Variants in SLC24A4 observed in about 807,000 individuals in gnomAD.
SLC24A4 encodes solute carrier family 24 member 4, also known as sodium/potassium/calcium exchanger 4.
SLC24A4 carries 53 observed loss-of-function variants against 79.0 expected under a neutral mutation model. The observed-to-expected ratio is 0.67, with a 90% CI of 0.54 to 0.84. SLC24A4 has a LOEUF of 0.84. SLC24A4 is among the 40% of genes least tolerant of loss of function. SLC24A4 has a pLI of 0.00. For synonymous variants in SLC24A4, 323 were observed against 323.8 expected, an observed-to-expected ratio of 1.00 and a Z score of 0.03; for missense variants, 731 against 822.0, an observed-to-expected ratio of 0.89 and a Z score of 1.35.
chr14:92,328,008 C>T (rs968556503), intron 2 of SLC24A4, among the ~76,000 whole-genome samples: 4 of 152,186 alleles, frequency 2.6e-5, no homozygotes, highest in African/African-American at 9.7e-5. Context: ...ATCCTTATCA[C>T]GTTTTTGCCA....
At chr14:92,376,448 G>C (rs902296176) in intron 2 of SLC24A4, among the ~76,000 whole-genome samples, 3 of 152,256 alleles carry the variant, frequency 2.0e-5, no homozygotes, top group Non-Finnish European at 4.4e-5. Flanking sequence ...CCCAGGCCAC[G>C]TCGGGGCAGC....
intron 10 of SLC24A4, chr14:92,452,318 G>A (rs1191517416): frequency 6.6e-6 from 1 of 152,526 alleles, no homozygotes; most frequent in African/African-American, 2.4e-5. Context: ...CTTCCTCTGG[G>A]ATGGAGGCTT....
At chr14:92,434,445 G>A (rs777550805) in intron 3 of SLC24A4, among the ~76,000 whole-genome samples, 6 of 152,154 alleles carry the variant, frequency 3.9e-5, no homozygotes, top group Non-Finnish European at 8.8e-5. Context: ...ATTTTTCAGT[G>A]TTATGATGTT....
intron 2 of SLC24A4, among the ~76,000 whole-genome samples, chr14:92,363,817 A>C (rs1377915629): frequency 6.6e-6 from 1 of 151,500 alleles, no homozygotes; most frequent in Non-Finnish European, 1.5e-5. Flanking sequence ...TGACAGAGTG[A>C]GACTCCGTCT....
intron 2 of SLC24A4, among the ~76,000 whole-genome samples, chr14:92,381,874 C>G (rs1392341062): frequency 6.6e-6 from 1 of 152,114 alleles, no homozygotes; most frequent in Non-Finnish European, 1.5e-5. Context: ...TTAAAGCTCC[C>G]CATGTGATTG....
chr14:92,466,898 C>G (rs1401491404), intron 12 of SLC24A4, among the ~76,000 whole-genome samples: 1 of 152,222 alleles, frequency 6.6e-6, no homozygotes, highest in African/African-American at 2.4e-5. Flanking sequence ...AGTTTATTTA[C>G]CTGTGAAACA....
At chr14:92,382,772 A>G (rs1236110865) in intron 2 of SLC24A4, among the ~76,000 whole-genome samples, 1 of 152,210 alleles carries the variant, frequency 6.6e-6, no homozygotes, top group African/African-American at 2.4e-5. Flanking sequence ...ATTCTTGGAG[A>G]AAATTGCCAG....
intron 2 of SLC24A4, among the ~76,000 whole-genome samples, chr14:92,342,944 G>A (rs1180382295): frequency 6.6e-6 from 1 of 152,220 alleles, no homozygotes; most frequent in African/African-American, 2.4e-5. Context: ...ATCTGGGTGA[G>A]TCAGTTCAGG....
At chr14:92,356,046 A>G (rs1171302414) in intron 2 of SLC24A4, among the ~76,000 whole-genome samples, 1 of 152,176 alleles carries the variant, frequency 6.6e-6, no homozygotes, top group Non-Finnish European at 1.5e-5. Context: ...CCCATCAACT[A>G]TTCTGTTTTT....
intron 12 of SLC24A4, among the ~76,000 whole-genome samples, chr14:92,463,416 C>T (rs1449691566): frequency 2.0e-5 from 3 of 152,180 alleles, no homozygotes; most frequent in Non-Finnish European, 2.9e-5. Context: ...CAGTTCCATA[C>T]ACAGTTCTCG....
rs769282619 is a variant in SLC24A4 at position 92,323,854 on chromosome 14, G to C, written c.24G>C (p.Arg8=). 2 of 1,592,492 alleles carry C rather than the reference G, an allele frequency of 1.3e-6. No homozygotes were observed. The highest frequency in any genetic ancestry group is 8.5e-7 in the Non-Finnish European group (1 of 1,175,976). ...GGATGGCGCTCCGCGGGACCCTCCG[G>C]CCGCTCAAAGTTCGCAGGAGGCGAG... MALRGTL[R]PLKVRRRREM... The change falls in exon 1 of 17, where the codon CGG becomes CGC. Residue 8 remains arginine (R), a synonymous_variant. Transcript: ENST00000532405. This position sits in a 1 kb window ranked among gnomAD's most constrained non-coding sequence, Gnocchi z 4.9.
rs1304072456 is a variant in SLC24A4, at chr14:92,404,471, T to C, written c.242-29441T>C. 2.0e-5 allele frequency among the ~76,000 whole-genome samples: 3 copies of C among 151,444 alleles called. No individual in the cohort carries two copies. The East Asian group carries it at 6.0e-4, about 30-fold the overall frequency. ...TCCCTGAGCCCCCAGTCCCCATCCATCACAGTGCTCCAGCACACTGGCAGG... is the reference window on the plus strand; with the variant it reads ...TCCCTGAGCCCCCAGTCCCCATCCACCACAGTGCTCCAGCACACTGGCAGG... On this transcript the variant is annotated intron_variant, in intron 2 of 16. Transcript: ENST00000532405.
intron 2 of SLC24A4, among the ~76,000 whole-genome samples, chr14:92,343,225 T>A (rs1483693667): frequency 6.6e-6 from 1 of 152,236 alleles, no homozygotes; most frequent in Admixed American, 6.5e-5. Context: ...GTTTGCTTGA[T>A]AGGGTTTTGC....
intron 2 of SLC24A4, among the ~76,000 whole-genome samples, chr14:92,423,943 A>T (rs1891429307): frequency 2.6e-5 from 4 of 152,208 alleles, no homozygotes; most frequent in Admixed American, 2.6e-4. Context: ...CAAAAGTCTG[A>T]TATCAAGGTA....
chr14:92,420,470 T>C (rs2141818013), intron 2 of SLC24A4, among the ~76,000 whole-genome samples: 1 of 152,028 alleles, frequency 6.6e-6, no homozygotes, highest in African/African-American at 2.4e-5. Flanking sequence ...AGAGCGAGAC[T>C]CTGTCTCAAA....
intron 2 of SLC24A4, among the ~76,000 whole-genome samples, chr14:92,384,341 G>A (rs1189650569): frequency 6.6e-6 from 1 of 152,086 alleles, no homozygotes; most frequent in Non-Finnish European, 1.5e-5. Flanking sequence ...GCGCATTACA[G>A]CATAAATCAT....
chr14:92,374,548 C>T (rs1213231907), intron 2 of SLC24A4, among the ~76,000 whole-genome samples: 1 of 152,206 alleles, frequency 6.6e-6, no homozygotes, highest in Non-Finnish European at 1.5e-5. Context: ...GGCTGAGCAC[C>T]TCCTCCACGA....
At chr14:92,383,152 C>T (rs531703136) in intron 2 of SLC24A4, among the ~76,000 whole-genome samples, 1 of 152,322 alleles carries the variant, frequency 6.6e-6, no homozygotes, top group African/African-American at 2.4e-5. Flanking sequence ...ATGCGTTCTT[C>T]TCACAGTCAC....
At position 92,323,589 on chromosome 14, in the gene SLC24A4, A is replaced by G; in HGVS notation, c.-242A>G. 2.8e-6 allele frequency: 1 copy of G among 358,964 alleles called. No homozygotes were observed. The highest frequency in any genetic ancestry group is 8.5e-5 in the South Asian group (1 of 11,830). 22.2% of individuals were successfully genotyped at this position (358,964 alleles called of 1,614,324 possible). A position where few individuals can be genotyped will look rare whatever the true frequency, so the allele number is the denominator to read the frequency against. On this transcript the variant is annotated 5_prime_UTR_variant, in exon 1 of 17. It removes an upstream start codon present in the reference 5' UTR. Transcript: ENST00000532405. This position sits in a 1 kb window ranked among gnomAD's most constrained non-coding sequence, Gnocchi z 4.9. The stretch of plus-strand genomic sequence containing the variant: ...GGCGTCGCCTCCTCGCCACGGAGCC[A>G]TGGTGCGCGCAGCGCGCACGCGGCG...
Sources: gnomAD v4.1 joint callset for allele counts (sites outside exome capture counted in the v4.1 genomes callset) on GRCh38, gnomAD v4.1.1 for gene constraint, Gnocchi (gnomAD v3.1) non-coding constraint, MANE v1.5 for transcripts, NCBI Gene and HGNC (gene_info 2026-07-23, HGNC 2026-07-21) for gene names.